Variants in HS6ST3 observed in about 807,000 individuals in gnomAD.
HS6ST3 encodes the protein heparan-sulfate 6-O-sulfotransferase 3.
Under a neutral mutation model 36.7 loss-of-function variants are expected in HS6ST3, and 12 were observed. The observed-to-expected ratio is 0.33, with a 90% CI of 0.21 to 0.53. HS6ST3 has a LOEUF of 0.53. Ranked by LOEUF, HS6ST3 falls within the 20% of genes least tolerant of loss-of-function variation. HS6ST3 has a pLI of 0.95. For missense variants in HS6ST3, 584 were observed against 640.9 expected (o/e 0.91, Z 0.96); for synonymous variants, 240 against 257.5 (o/e 0.93, Z 0.65).
At chr13:96,112,578 A>AATATACATACAT (rs397773858) in intron 1 of HS6ST3, among the ~76,000 whole-genome samples, 1 of 81,224 alleles carries the variant, frequency 1.2e-5, no homozygotes, top group Non-Finnish European at 2.3e-5. Flanking sequence ...AAAATAAATA[A>AATATACATACAT]ATATATATAT....
At chr13:96,535,215 T>C (rs913888199) in intron 1 of HS6ST3, among the ~76,000 whole-genome samples, 2 of 152,152 alleles carry the variant, frequency 1.3e-5, no homozygotes, top group South Asian at 2.1e-4. Context: ...GAAGGTTTGA[T>C]TGGGGATTCG....
chr13:96,596,430 C>A (rs1458356410), intron 1 of HS6ST3, among the ~76,000 whole-genome samples: 4 of 152,058 alleles, frequency 2.6e-5, no homozygotes, highest in African/African-American at 9.7e-5. Context: ...CATATGCAGG[C>A]AGGCACCTTT....
chr13:96,662,770 C>T (rs1442592303), intron 1 of HS6ST3, among the ~76,000 whole-genome samples: 1 of 151,900 alleles, frequency 6.6e-6, no homozygotes, highest in Non-Finnish European at 1.5e-5. Context: ...TTTGAATTTT[C>T]TTTGCTTTGG....
chr13:96,233,715 A>G (rs935675987), intron 1 of HS6ST3, among the ~76,000 whole-genome samples: 1 of 152,228 alleles, frequency 6.6e-6, no homozygotes, highest in African/African-American at 2.4e-5. Context: ...TCACTCAGAA[A>G]TTAAACTTGA....
chr13:96,311,474 C>T (rs2054940675), intron 1 of HS6ST3, among the ~76,000 whole-genome samples: 1 of 152,136 alleles, frequency 6.6e-6, no homozygotes, highest in Non-Finnish European at 1.5e-5. Flanking sequence ...GGAGATAAAG[C>T]TCATCAAAGC....
intron 1 of HS6ST3, among the ~76,000 whole-genome samples, chr13:96,494,031 C>T (rs1325114844): frequency 2.6e-5 from 4 of 152,186 alleles, no homozygotes; most frequent in Middle Eastern, 3.4e-3. Flanking sequence ...AATGGTTCTT[C>T]GTCTTTGTGA....
chr13:96,474,999 T>G (rs2055856745), intron 1 of HS6ST3, among the ~76,000 whole-genome samples: 1 of 152,178 alleles, frequency 6.6e-6, no homozygotes, highest in African/African-American at 2.4e-5. Flanking sequence ...CAGTTGACAG[T>G]AATTGGGATT....
In HS6ST3 at chr13:96,091,073, T is replaced by A; in HGVS notation, c.211T>A (p.Leu71Met). The change falls in exon 1 of 2, where the codon TTG (leucine) becomes ATG (methionine). Residue 71 changes from leucine (L) to methionine (M), a missense_variant. Physicochemically the swap from Leu to Met is conservative, Grantham distance 15. Around this residue, in one of 3 missense-constraint regions of HS6ST3, gnomAD observed 217 missense variants for 205.4 expected, o/e 1.06. Transcript: ENST00000376705. Reference protein sequence around the residue: ...PPEEWERRPQLPPPPRGPPEG... With the variant: ...PPEEWERRPQMPPPPRGPPEG... ...GGAGGAGTGGGAGCGGCGGCCCCAGTTGCCCCCGCCGCCCCGGGGGCCCCC... is the reference window on the plus strand; with the variant it reads ...GGAGGAGTGGGAGCGGCGGCCCCAGATGCCCCCGCCGCCCCGGGGGCCCCC... The A allele has an allele frequency of 7.8e-7, 1 of 1,284,794 alleles. No individual in the cohort carries two copies. The highest frequency in any genetic ancestry group is 9.8e-7 in the Non-Finnish European group (1 of 1,020,774). 79.6% of individuals were successfully genotyped at this position (1,284,794 alleles called of 1,614,324 possible). A position where few individuals can be genotyped will look rare whatever the true frequency, so the allele number is the denominator to read the frequency against.
intron 1 of HS6ST3, among the ~76,000 whole-genome samples, chr13:96,413,015 A>G (rs571218314): frequency 6.6e-6 from 1 of 152,198 alleles, no homozygotes; most frequent in South Asian, 2.1e-4. Context: ...TTCCTGTGTT[A>G]CTTTCTATCT....
At chr13:96,326,334 C>T (rs1349783931) in intron 1 of HS6ST3, among the ~76,000 whole-genome samples, 1 of 122,042 alleles carries the variant, frequency 8.2e-6, no homozygotes, top group Non-Finnish European at 1.7e-5. Context: ...CCCCTCCCCC[C>T]ACCCCACAAC....
chr13:96,511,995 T>G (rs2056051736), intron 1 of HS6ST3, among the ~76,000 whole-genome samples: 1 of 152,228 alleles, frequency 6.6e-6, no homozygotes, highest in Admixed American at 6.5e-5. Flanking sequence ...AGGTACCAAC[T>G]TTATCGTATA....
At chr13:96,610,703 T>C (rs2138988299) in intron 1 of HS6ST3, among the ~76,000 whole-genome samples, 1 of 152,308 alleles carries the variant, frequency 6.6e-6, no homozygotes, top group South Asian at 2.1e-4. Flanking sequence ...ATACCTTCTC[T>C]ACTGAAATGT....
At chr13:96,200,782 G>A (rs1174084254) in intron 1 of HS6ST3, among the ~76,000 whole-genome samples, 6 of 152,080 alleles carry the variant, frequency 3.9e-5, no homozygotes, top group South Asian at 2.1e-4. Flanking sequence ...ACCTTACATC[G>A]TATTCAGAAT....
chr13:96,630,053 T>C (rs1325368678), intron 1 of HS6ST3, among the ~76,000 whole-genome samples: 7 of 152,224 alleles, frequency 4.6e-5, no homozygotes, highest in Admixed American at 4.6e-4. Flanking sequence ...TTAAATGTTA[T>C]TTAAAAACTT....
At chr13:96,473,314 C>T (rs2055848288) in intron 1 of HS6ST3, among the ~76,000 whole-genome samples, 2 of 152,190 alleles carry the variant, frequency 1.3e-5, no homozygotes, top group African/African-American at 4.8e-5. Context: ...GACTGAGCTC[C>T]TCCATATTCC....
At chr13:96,824,084 G>A (rs142580233) in intron 1 of HS6ST3, among the ~76,000 whole-genome samples, 183 of 152,288 alleles carry the variant, frequency 1.2e-3, no homozygotes, top group African/African-American at 4.1e-3. Flanking sequence ...AAAGCCACCC[G>A]AGCCTCTCCC....
chr13:96,329,682 T>C (rs2055053877), intron 1 of HS6ST3, among the ~76,000 whole-genome samples: 2 of 117,282 alleles, frequency 1.7e-5, no homozygotes, highest in South Asian at 3.3e-4. Flanking sequence ...GAGAGTTCTG[T>C]AGATGTCTAT....
Position 96,305,940 on chromosome 13 carries a change from T to C in HS6ST3, c.707+214371T>C, listed in dbSNP as rs2054910662. Among the ~76,000 whole-genome samples the C allele has an allele frequency of 2.0e-5, 3 of 151,376 alleles. No homozygotes were observed. The South Asian group carries it at 6.3e-4, about 32-fold the overall frequency. ...CCTTTCTTTCTTTCTTTCCTTTTTT[T>C]TTTAGACAGGATCTCACTGTGTCAC... is the stretch of plus-strand genomic sequence containing the variant. On this transcript the variant is annotated intron_variant, in intron 1 of 1. Transcript: ENST00000376705.
intron 1 of HS6ST3, among the ~76,000 whole-genome samples, chr13:96,684,193 A>T (rs903392902): frequency 9.9e-5 from 15 of 152,080 alleles, no homozygotes; most frequent in African/African-American, 3.1e-4. Context: ...GAATCTGAAT[A>T]AAATAATGTG....
Sources: gnomAD v4.1 joint callset for allele counts (sites outside exome capture counted in the v4.1 genomes callset) on GRCh38, gnomAD v4.1.1 for gene constraint, gnomAD v4.1.1 regional missense constraint, MANE v1.5 for transcripts, NCBI Gene and HGNC (gene_info 2026-07-23, HGNC 2026-07-21) for gene names.